The following ADARB2 variants were observed in gnomAD, a reference collection of about 807,000 sequenced individuals.
ADARB2 encodes adenosine deaminase RNA specific B2 (inactive), also known as inactive double-stranded RNA-specific editase B2.
In ADARB2, 25 loss-of-function variants were observed where a neutral mutation model predicts 62.2. The observed-to-expected ratio is 0.40, with a 90% CI of 0.29 to 0.56. The LOEUF (loss-of-function observed/expected upper bound fraction) is 0.56, where lower values mean the gene tolerates loss of function less well. Ranked by LOEUF, ADARB2 falls within the 20% of genes least tolerant of loss-of-function variation. The pLI, the probability that ADARB2 is intolerant of heterozygous loss-of-function variation, is 0.43. For missense variants in ADARB2, 1,071 were observed against 1,077.4 expected (o/e 0.99, Z 0.08); for synonymous variants, 572 against 500.8 (o/e 1.14, Z -1.90).
intron 7 of ADARB2, among the ~76,000 whole-genome samples, chr10:1,215,345 CTTCTCTCCG>C (rs1014334559): frequency 1.3e-5 from 2 of 152,236 alleles, no homozygotes; most frequent in African/African-American, 4.8e-5. Flanking sequence ...CACCCTCTCC[CTTCTCTCCG>C]TTCTCTCCCC....
chr10:1,638,769 C>T (rs1023939821), intron 1 of ADARB2, among the ~76,000 whole-genome samples: 5 of 152,158 alleles, frequency 3.3e-5, no homozygotes, highest in East Asian at 1.9e-4. Context: ...TCCATGTCTG[C>T]GAGATGACAC....
At chr10:1,272,659 C>T (rs183680224) in intron 3 of ADARB2, among the ~76,000 whole-genome samples, 71 of 152,280 alleles carry the variant, frequency 4.7e-4, no homozygotes, top group African/African-American at 1.6e-3. Flanking sequence ...TGAAAGGCAC[C>T]CCGACCTTTC....
chr10:1,581,497 C>T (rs1190762445), intron 1 of ADARB2, among the ~76,000 whole-genome samples: 1 of 152,230 alleles, frequency 6.6e-6, no homozygotes, highest in Admixed American at 6.5e-5. Flanking sequence ...CCTGGCTCTA[C>T]TCCTTGTTAG....
At chr10:1,209,263 C>T (rs1367502136) in intron 7 of ADARB2, among the ~76,000 whole-genome samples, 1 of 152,070 alleles carries the variant, frequency 6.6e-6, no homozygotes, top group South Asian at 2.1e-4. Context: ...TCACTGACAC[C>T]CACACCCATG....
intron 4 of ADARB2, among the ~76,000 whole-genome samples, chr10:1,259,192 A>T (rs1254862906): frequency 6.6e-6 from 1 of 152,242 alleles, no homozygotes; most frequent in African/African-American, 2.4e-5. Flanking sequence ...CCACAAGAGA[A>T]AGCAGGAAAG....
intron 1 of ADARB2, among the ~76,000 whole-genome samples, chr10:1,494,606 C>T (rs1285344185): frequency 6.6e-6 from 1 of 151,720 alleles, no homozygotes; most frequent in Non-Finnish European, 1.5e-5. Context: ...GCTGAGTACC[C>T]TTTAGCTCCA....
At chr10:1,434,774 T>C (rs1197300231) in intron 1 of ADARB2, among the ~76,000 whole-genome samples, 1 of 152,166 alleles carries the variant, frequency 6.6e-6, no homozygotes, top group Non-Finnish European at 1.5e-5. Flanking sequence ...CTAGAAGAAG[T>C]TCATCACTTA....
intron 1 of ADARB2, among the ~76,000 whole-genome samples, chr10:1,528,875 C>T (rs1439519799): frequency 2.6e-5 from 4 of 152,178 alleles, no homozygotes; most frequent in African/African-American, 4.8e-5. Flanking sequence ...TGGTCCCAAG[C>T]GGGATCTGCC....
At chr10:1,591,354 ACC>A (rs1833250794) in intron 1 of ADARB2, among the ~76,000 whole-genome samples, 1 of 147,760 alleles carries the variant, frequency 6.8e-6, no homozygotes, top group Admixed American at 6.8e-5. Flanking sequence ...GCCCCTTCGT[ACC>A]CCCACCCACA....
chr10:1,312,508 C>G (rs1022177229), intron 3 of ADARB2, among the ~76,000 whole-genome samples: 2 of 152,232 alleles, frequency 1.3e-5, no homozygotes, highest in Admixed American at 1.3e-4. Context: ...TCCAGGACGT[C>G]TCTCCTGATT....
intron 1 of ADARB2, among the ~76,000 whole-genome samples, chr10:1,481,722 G>A (rs10903466): frequency 6.6e-6 from 1 of 151,660 alleles, no homozygotes; most frequent in Non-Finnish European, 1.5e-5. Context: ...CTGGGTATGG[G>A]GGCGGGTGCC....
At chr10:1,183,415 G>A (rs778653144) in intron 9 of ADARB2, 46 bp from the exon 10 acceptor site, 2 of 1,592,510 alleles carry the variant, frequency 1.3e-6, no homozygotes, top group East Asian at 2.3e-5. Context: ...CAGCAGAAAA[G>A]GAGCTTCTGC....
chr10:1,442,103 C>T (rs768289297), intron 1 of ADARB2, among the ~76,000 whole-genome samples: 15 of 152,158 alleles, frequency 9.9e-5, no homozygotes, highest in South Asian at 2.1e-4. Flanking sequence ...GGGTATATTA[C>T]GCTAATAAAA....
intron 4 of ADARB2, among the ~76,000 whole-genome samples, chr10:1,257,579 T>A (rs891010293): frequency 6.6e-6 from 1 of 152,156 alleles, no homozygotes; most frequent in Admixed American, 6.5e-5. Flanking sequence ...CAGAGCGCTG[T>A]GCATGAGGAC....
At chr10:1,344,298 T>C (rs150351996) in intron 3 of ADARB2, among the ~76,000 whole-genome samples, 26 of 152,238 alleles carry the variant, frequency 1.7e-4, no homozygotes, top group African/African-American at 5.1e-4. Flanking sequence ...GTCAAGGTCA[T>C]GTGTGAACTC....
chr10:1,425,763 C>T (rs1564286389), intron 1 of ADARB2, among the ~76,000 whole-genome samples: 1 of 152,216 alleles, frequency 6.6e-6, no homozygotes, highest in Non-Finnish European at 1.5e-5. Flanking sequence ...TAGTTTGTAG[C>T]CTGAACTGCA....
At chr10:1,318,459 G>A (rs1291086595) in intron 3 of ADARB2, among the ~76,000 whole-genome samples, 1 of 152,196 alleles carries the variant, frequency 6.6e-6, no homozygotes. Context: ...CTAGAAACAA[G>A]CAGTACCATT....
intron 1 of ADARB2, among the ~76,000 whole-genome samples, chr10:1,582,494 C>T (rs1833118421): frequency 6.6e-6 from 1 of 152,182 alleles, no homozygotes; most frequent in Non-Finnish European, 1.5e-5. Flanking sequence ...AGAATAAATC[C>T]ATGCATTTTT....
chr10:1,331,506 G>T (rs138552464), intron 3 of ADARB2, among the ~76,000 whole-genome samples: 2 of 152,298 alleles, frequency 1.3e-5, no homozygotes, highest in East Asian at 3.9e-4. Flanking sequence ...GCTCACTTAT[G>T]TGTGATTCTA....
Sources: allele counts gnomAD v4.1 joint callset (sites outside exome capture counted in the v4.1 genomes callset), GRCh38; gene constraint gnomAD v4.1.1; transcripts MANE v1.5; gene names NCBI Gene and HGNC (gene_info 2026-07-23, HGNC 2026-07-21).